GLIS3: variants seen among roughly 807,000 people sequenced by gnomAD.
The protein encoded by GLIS3 is GLIS family zinc finger 3.
In GLIS3, 53 loss-of-function variants were observed where a neutral mutation model predicts 78.6. That is an observed-to-expected ratio of 0.67 (90% CI 0.54 to 0.85). The LOEUF is 0.85. GLIS3 is among the 40% of genes least tolerant of loss of function. The pLI, the probability that GLIS3 is intolerant of heterozygous loss-of-function variation, is 0.00. For synonymous variants in GLIS3, 684 were observed against 509.9 expected, an observed-to-expected ratio of 1.34 and a Z score of -4.60; for missense variants, 1,703 against 1,231.1, an observed-to-expected ratio of 1.38 and a Z score of -5.74.
chr9:3,852,616 A>T (rs560207267), intron 9 of GLIS3, among the ~76,000 whole-genome samples: 4 of 152,320 alleles, frequency 2.6e-5, no homozygotes, highest in Non-Finnish European at 5.9e-5. Context: ...CCTTACCCTG[A>T]AGAGTAGTAG....
At chr9:4,203,702 C>A (rs1193244168) in intron 2 of GLIS3, among the ~76,000 whole-genome samples, 1 of 152,104 alleles carries the variant, frequency 6.6e-6, no homozygotes, top group Non-Finnish European at 1.5e-5. Flanking sequence ...ATGGAATGAA[C>A]CTAGGTGCCC....
intron 9 of GLIS3, among the ~76,000 whole-genome samples, chr9:3,852,758 G>C (rs1319732233): frequency 6.6e-6 from 1 of 152,278 alleles, no homozygotes; most frequent in South Asian, 2.1e-4. Context: ...GCTAATACAG[G>C]GGCACGCCCT....
chr9:4,279,167 C>T (rs1827296809), intron 2 of GLIS3, among the ~76,000 whole-genome samples: 1 of 151,466 alleles, frequency 6.6e-6, no homozygotes, highest in African/African-American at 2.4e-5. Flanking sequence ...GGCGTGGTGG[C>T]AGGCACCTGT....
At chr9:4,442,051 G>T in the GLIS3 span, among the ~76,000 whole-genome samples, 4 of 152,106 alleles carry the variant, frequency 2.6e-5, no homozygotes, top group Admixed American at 6.6e-5. Flanking sequence ...TAAACGTTTG[G>T]TAGAATTCAC....
intron 4 of GLIS3, among the ~76,000 whole-genome samples, chr9:4,117,115 G>A (rs1448805917): frequency 6.6e-6 from 1 of 152,174 alleles, no homozygotes; most frequent in Non-Finnish European, 1.5e-5. Flanking sequence ...AGGCTTCCCT[G>A]CTCTTTCTCC....
At chr9:4,397,848 C>T in the GLIS3 span, among the ~76,000 whole-genome samples, 1 of 151,674 alleles carries the variant, frequency 6.6e-6, no homozygotes, top group African/African-American at 2.4e-5. Flanking sequence ...CAAAGTATTC[C>T]TTGGATGGGA....
At position 3,882,732 on chromosome 9, in the gene GLIS3, G is replaced by A. The variant is rs549182976; in HGVS notation, c.2129-3137C>T. ...GAAATGGGCAGTGGTCCTCTTTTAC[G>A]GCCCCATGAGAACAAGAAAGGGAGG... On this transcript the variant is annotated intron_variant, in intron 7 of 10. Transcript: ENST00000381971. 2.0e-4 allele frequency among the ~76,000 whole-genome samples: 30 copies of A among 152,232 alleles called. 1 individual carries two copies. Among genetic ancestry groups the A allele is most frequent in the East Asian group, 1.4e-3 (7 of 5,180 alleles).
At chr9:4,409,683 C>T in the GLIS3 span, among the ~76,000 whole-genome samples, 1 of 151,890 alleles carries the variant, frequency 6.6e-6, no homozygotes, top group South Asian at 2.1e-4. Context: ...AGTCATTTGG[C>T]TGGGGAATTA....
chr9:4,239,546 T>C (rs983165846), intron 2 of GLIS3, among the ~76,000 whole-genome samples: 6 of 152,292 alleles, frequency 3.9e-5, no homozygotes, highest in African/African-American at 9.6e-5. Flanking sequence ...ACATCAGTCA[T>C]TGAGATCTTG....
intron 4 of GLIS3, among the ~76,000 whole-genome samples, chr9:4,058,482 A>AATTTCCC (rs973930883): frequency 4.6e-5 from 7 of 151,886 alleles, no homozygotes; most frequent in Non-Finnish European, 1.0e-4. Flanking sequence ...TCTTTGCTCA[A>AATTTCCC]ATTTCCCATC....
At chr9:4,023,745 C>T (rs1823076102) in intron 4 of GLIS3, among the ~76,000 whole-genome samples, 1 of 152,198 alleles carries the variant, frequency 6.6e-6, no homozygotes, top group Non-Finnish European at 1.5e-5. Context: ...TAGGTTTGCT[C>T]CCATCTCCTC....
chr9:3,912,862 G>T (rs1031253770), intron 6 of GLIS3, among the ~76,000 whole-genome samples: 4 of 152,198 alleles, frequency 2.6e-5, no homozygotes, highest in South Asian at 2.1e-4. Context: ...TGGTTATGGA[G>T]TTGTGAAGAC....
At chr9:4,195,842 G>A (rs1335252195) in intron 2 of GLIS3, among the ~76,000 whole-genome samples, 2 of 152,230 alleles carry the variant, frequency 1.3e-5, no homozygotes, top group Non-Finnish European at 2.9e-5. Context: ...ACACACCAGT[G>A]TTCTGTGTCT....
At chr9:3,864,626 T>C (rs1161040403) in intron 8 of GLIS3, among the ~76,000 whole-genome samples, 1 of 152,234 alleles carries the variant, frequency 6.6e-6, no homozygotes, top group Non-Finnish European at 1.5e-5. Context: ...GGGTGACGCT[T>C]CAGTCATTAA....
chr9:4,489,028 G>A, the GLIS3 span, among the ~76,000 whole-genome samples: 3 of 151,944 alleles, frequency 2.0e-5, no homozygotes, highest in Non-Finnish European at 2.9e-5. Flanking sequence ...CACCACGCCC[G>A]GCTAATTTTT....
At chr9:4,297,262 T>C (rs536417821) in intron 1 of GLIS3, among the ~76,000 whole-genome samples, 81 of 152,314 alleles carry the variant, frequency 5.3e-4, no homozygotes, top group African/African-American at 1.9e-3. Flanking sequence ...ACTTTGCATT[T>C]GTCTTGAGGT....
intron 2 of GLIS3, among the ~76,000 whole-genome samples, chr9:4,274,902 T>A (rs1426332054): frequency 6.6e-6 from 1 of 152,162 alleles, no homozygotes; most frequent in Non-Finnish European, 1.5e-5. Flanking sequence ...TATACTTGAG[T>A]AGCAAGGTCC....
chr9:4,362,813 G>C, the GLIS3 span, among the ~76,000 whole-genome samples: 4 of 152,124 alleles, frequency 2.6e-5, no homozygotes, highest in African/African-American at 9.7e-5. Flanking sequence ...GCTTGCCAGA[G>C]AACCCTGCTA....
intron 9 of GLIS3, among the ~76,000 whole-genome samples, chr9:3,834,381 C>T (rs1001885185): frequency 6.6e-6 from 1 of 152,194 alleles, no homozygotes; most frequent in African/African-American, 2.4e-5. Flanking sequence ...GATGAAAATG[C>T]TCTTTATCTG....
Sources: allele counts gnomAD v4.1 joint callset (sites outside exome capture counted in the v4.1 genomes callset), GRCh38; gene constraint gnomAD v4.1.1; transcripts MANE v1.5; gene names NCBI Gene and HGNC (gene_info 2026-07-23, HGNC 2026-07-21).